Variants in UBOX5 observed in about 807,000 individuals in gnomAD.
The protein encoded by UBOX5 is RING finger protein 37.
Under a neutral mutation model 39.0 loss-of-function variants are expected in UBOX5, and 28 were observed. That is an observed-to-expected ratio of 0.72 (90% CI 0.53 to 0.98). The LOEUF (loss-of-function observed/expected upper bound fraction) is 0.98. Among genes scored for constraint, UBOX5 ranks in the 50% least tolerant of loss-of-function variants. UBOX5 has a pLI of 0.00. For missense variants in UBOX5, 585 were observed against 674.4 expected (o/e 0.87, Z 1.47); for synonymous variants, 283 against 275.5 (o/e 1.03, Z -0.27).
intron 1 of UBOX5, chr20:3,135,988 C>T (rs1367274780): frequency 2.0e-5 from 3 of 152,120 alleles, no homozygotes; most frequent in African/African-American, 4.8e-5. Flanking sequence ...GAAAAGTCTG[C>T]TATTAACCTC....
intron 1 of UBOX5, among the ~76,000 whole-genome samples, chr20:3,136,737 G>T (rs796961979): frequency 4.3e-5 from 6 of 139,800 alleles, no homozygotes; most frequent in African/African-American, 1.6e-4. Flanking sequence ...CTCACTGCAA[G>T]CTCCACCTCC....
At position 3,140,710 on chromosome 20, in the gene UBOX5, AT is replaced by A. The variant is rs560555990; in HGVS notation, c.-41-17305del. ...GGTGCATCTTTCTTAGGGTTACCAG[AT>A]TTTTTTTTTTCAACTTTTATTTTAG... On this transcript the variant is annotated intron_variant, in intron 1 of 4. Transcript: ENST00000217173. Among the ~76,000 whole-genome samples, 178 of 148,332 alleles carry A rather than the reference AT, an allele frequency of 1.2e-3. 2 individuals are homozygous for A. The highest frequency in any genetic ancestry group is 3.8e-3 in the African/African-American group (155 of 40,524).
chr20:3,135,137 G>A (rs1204235952), intron 1 of UBOX5, among the ~76,000 whole-genome samples: 3 of 152,004 alleles, frequency 2.0e-5, no homozygotes, highest in Non-Finnish European at 4.4e-5. Flanking sequence ...ATTGTGACTT[G>A]ATAAAAAAAA....
chr20:3,112,382 T>C (rs1366418071), intron 4 of UBOX5, among the ~76,000 whole-genome samples: 1 of 146,234 alleles, frequency 6.8e-6, no homozygotes, highest in Non-Finnish European at 1.5e-5. Flanking sequence ...GAAGTCCCAT[T>C]AAAAGATCTC....
At chr20:3,140,916 A>ATTTTTT (rs11365728) in intron 1 of UBOX5, among the ~76,000 whole-genome samples, 1 of 111,996 alleles carries the variant, frequency 8.9e-6, no homozygotes, top group South Asian at 3.1e-4. Flanking sequence ...GGGTTGCCAG[A>ATTTTTT]TTTTTTTTTT....
At chr20:3,130,333 C>CTT (rs5839987) in intron 1 of UBOX5, among the ~76,000 whole-genome samples, 1 of 132,232 alleles carries the variant, frequency 7.6e-6, no homozygotes, top group African/African-American at 2.9e-5. Context: ...TTGTTTATGC[C>CTT]TTTTTTTTTT....
Position 3,122,516 on chromosome 20 carries a change from G to A in UBOX5, c.123C>T (p.Phe41=), listed in dbSNP as rs1418079329. The change falls in exon 3 of 5, where the codon TTC becomes TTT. Residue 41 remains phenylalanine (F), a synonymous_variant. Coordinates refer to ENST00000217173, the MANE Select transcript of UBOX5 (RefSeq NM_014948.4). ...GTGGCTTAATGAAATACTCTGTCCT[G>A]AAACCATGACTTCTCTTTGTGAGAT... ...SEDLTKRSHG[F]RTEYFIKPPV... 4 of 1,613,142 alleles carry A rather than the reference G, an allele frequency of 2.5e-6. No individual in the cohort carries two copies. The highest frequency in any genetic ancestry group is 3.4e-6 in the Non-Finnish European group (4 of 1,179,606).
At chr20:3,139,084 G>A (rs1218682041) in intron 1 of UBOX5, among the ~76,000 whole-genome samples, 2 of 152,178 alleles carry the variant, frequency 1.3e-5, no homozygotes, top group Admixed American at 1.3e-4. Flanking sequence ...CATAAATTGG[G>A]CACTTCAGCT....
chr20:3,155,887 C>T (rs546695571), intron 1 of UBOX5, among the ~76,000 whole-genome samples: 28 of 152,304 alleles, frequency 1.8e-4, no homozygotes, highest in African/African-American at 5.3e-4. Context: ...GCAACATTTA[C>T]AGTAACTCTA....
chr20:3,124,492 G>T (rs572300106), intron 1 of UBOX5, among the ~76,000 whole-genome samples: 1 of 152,184 alleles, frequency 6.6e-6, no homozygotes, highest in Non-Finnish European at 1.5e-5. Flanking sequence ...CCTCCCAGCC[G>T]CCTGCCTTGA....
At chr20:3,147,711 G>A in intron 1 of UBOX5, 1 of 1,614,224 alleles carries the variant, frequency 6.2e-7, no homozygotes, top group Non-Finnish European at 8.5e-7. Context: ...TCACTTATCA[G>A]GCTGGAGTAA....
intron 1 of UBOX5, among the ~76,000 whole-genome samples, chr20:3,143,613 G>A (rs1035145235): frequency 1.3e-5 from 2 of 152,060 alleles, no homozygotes; most frequent in Non-Finnish European, 2.9e-5. Context: ...GGCCAAGATG[G>A]CGAAACCCTG....
chr20:3,122,340 C>A lies in UBOX5; in HGVS notation c.299G>T (p.Arg100Leu). ...AGATGGCTCAGCTGGGCCCAGGGTC[C>A]GGCACTGGGGCGTATTCCAAGACAC... ...SRVSWNTPQC[R>L]TLGPAEPSVP... Residue 100 changes from arginine (R) to leucine (L), a missense_variant, in exon 3 of 5, where the codon CGG becomes CTG. Physicochemically the swap from Arg to Leu is moderately radical, Grantham distance 102 (BLOSUM62 -2). Coordinates refer to ENST00000217173, the MANE Select transcript of UBOX5 (RefSeq NM_014948.4). 2 of 1,614,178 alleles carry A rather than the reference C, an allele frequency of 1.2e-6. No individual in the cohort carries two copies. The highest frequency in any genetic ancestry group is 1.7e-6 in the Non-Finnish European group (2 of 1,180,036).
At chr20:3,129,003 C>T (rs2066410427) in intron 1 of UBOX5, among the ~76,000 whole-genome samples, 1 of 152,146 alleles carries the variant, frequency 6.6e-6, no homozygotes. Context: ...TCTTGGTATA[C>T]CCTTAGCTAC....
chr20:3,148,658 A>G (rs1220236980), intron 1 of UBOX5: 1 of 1,614,062 alleles, frequency 6.2e-7, no homozygotes, highest in Non-Finnish European at 8.5e-7. Flanking sequence ...AACAGACAGG[A>G]GCTGAGAAGT....
At chr20:3,133,599 T>G (rs376052714) in intron 1 of UBOX5, among the ~76,000 whole-genome samples, 1 of 152,188 alleles carries the variant, frequency 6.6e-6, no homozygotes. Context: ...CTCTTGTACC[T>G]ACCACCTAGA....
In UBOX5 at chr20:3,121,976, C is replaced by T. The variant is rs150875246; in HGVS notation, c.663G>A (p.Val221=). 26 of 1,614,094 alleles carry T rather than the reference C, an allele frequency of 1.6e-5. No homozygotes were observed. The highest frequency in any genetic ancestry group is 2.1e-5 in the Non-Finnish European group (25 of 1,180,046). ...LVTSENLPQD[V]ALQAPALPME... ...TGGGCAAGGCTGGAGCCTGCAGAGC[C>T]ACATCCTGAGGCAGGTTCTCTGAGG... The change falls in exon 3 of 5, where the codon GTG becomes GTA. Residue 221 remains valine, a synonymous_variant. Transcript: ENST00000217173.
rs767857777 is a variant in UBOX5, at chr20:3,149,764, T to C, written c.-42+10002A>G. 2.0e-5 allele frequency among the ~76,000 whole-genome samples: 3 copies of C among 152,212 alleles called. No individual in the cohort carries two copies. On this transcript the variant is annotated intron_variant, in intron 1 of 4. Coordinates refer to ENST00000217173, the MANE Select transcript of UBOX5 (RefSeq NM_014948.4). This position sits in a 1 kb window ranked among gnomAD's most constrained non-coding sequence, Gnocchi z 4.1. The stretch of plus-strand genomic sequence containing the variant: ...GGGTGTGGGTGGCTCATGCCTGTAA[T>C]GCCAGCACTTTGGGAGGCCGAGGCA...
intron 4 of UBOX5, chr20:3,110,555 C>T: frequency 3.7e-6 from 2 of 540,010 alleles, no homozygotes; most frequent in Non-Finnish European, 6.7e-6. Flanking sequence ...TTGAGAAGAG[C>T]TGGCTTCTGA....
Sources: gnomAD v4.1 joint callset for allele counts (sites outside exome capture counted in the v4.1 genomes callset) on GRCh38, gnomAD v4.1.1 for gene constraint, Gnocchi (gnomAD v3.1) non-coding constraint, MANE v1.5 for transcripts, NCBI Gene and HGNC (gene_info 2026-07-23, HGNC 2026-07-21) for gene names.